Variants in EXTL3 observed in about 807,000 individuals in gnomAD.
The protein encoded by EXTL3 is exostosin like glycosyltransferase 3.
Under a neutral mutation model 69.3 loss-of-function variants are expected in EXTL3, and 27 were observed. The observed-to-expected ratio is 0.39, with a 90% confidence interval of 0.29 to 0.54. The LOEUF (loss-of-function observed/expected upper bound fraction) is 0.54, where lower values mean the gene tolerates loss of function less well. Ranked by LOEUF, EXTL3 falls within the 20% of genes least tolerant of loss-of-function variation. EXTL3 has a pLI of 0.69. For synonymous variants in EXTL3, 511 were observed against 499.4 expected, an observed-to-expected ratio of 1.02 and a Z score of -0.31; for missense variants, 1,003 against 1,231.8, an observed-to-expected ratio of 0.81 and a Z score of 2.78.
chr8:28,641,784 G>T (rs919052797), intron 1 of EXTL3, among the ~76,000 whole-genome samples: 23 of 151,912 alleles, frequency 1.5e-4, no homozygotes, highest in African/African-American at 5.1e-4. Flanking sequence ...GAGCCATGGC[G>T]CCTGGCCATA....
At chr8:28,636,100 G>A (rs865811813) in intron 1 of EXTL3, among the ~76,000 whole-genome samples, 4 of 152,064 alleles carry the variant, frequency 2.6e-5, no homozygotes, top group Non-Finnish European at 5.9e-5. Context: ...GGAGGCTGAG[G>A]CGGGTAGATC....
rs753564009 is a variant in EXTL3 at position 28,718,225 on chromosome 8, A to C, written c.2148+18A>C. 6.8e-6 allele frequency: 11 copies of C among 1,607,858 alleles called. No homozygotes were observed. Among genetic ancestry groups the C allele is most frequent in the Non-Finnish European group, 9.4e-6 (11 of 1,174,520 alleles). ...CCATCATGGTAATAGAGAAACGAAC[A>C]GTTCGTTTTGGTGCATGAAATAGTA... On this transcript the variant is annotated intron_variant, in intron 3 of 6. Coordinates refer to ENST00000220562, the MANE Select transcript of EXTL3 (RefSeq NM_001440.4).
At chr8:28,683,518 T>C (rs1807525740) in intron 1 of EXTL3, among the ~76,000 whole-genome samples, 1 of 152,180 alleles carries the variant, frequency 6.6e-6, no homozygotes, top group African/African-American at 2.4e-5. Context: ...AAATGTACAA[T>C]AAATTATTGC....
At chr8:28,625,644 A>T (rs2130550339) in intron 1 of EXTL3, among the ~76,000 whole-genome samples, 1 of 152,330 alleles carries the variant, frequency 6.6e-6, no homozygotes, top group East Asian at 1.9e-4. Flanking sequence ...AGGATTAGGA[A>T]TATGAAGATA....
At chr8:28,733,905 C>T (rs1368502761) in intron 4 of EXTL3, among the ~76,000 whole-genome samples, 1 of 151,526 alleles carries the variant, frequency 6.6e-6, no homozygotes, top group African/African-American at 2.4e-5. Flanking sequence ...GCAAGCTCCA[C>T]CTCCCGAGTT....
Position 28,746,402 on chromosome 8 carries a change from T to C in EXTL3, c.2550+3188T>C, listed in dbSNP as rs371031444. Among the ~76,000 whole-genome samples, 214 of 152,304 alleles carry C rather than the reference T, an allele frequency of 1.4e-3. 2 individuals are homozygous for C. The highest frequency in any genetic ancestry group is 5.0e-3 in the African/African-American group (209 of 41,552). On this transcript the variant is annotated intron_variant, in intron 6 of 6. Transcript: ENST00000220562. ...GGCTTAGGTGGTAAGGAAGCCGAAA[T>C]GCAAGTGAACGTCTTGGTTCTCTGG...
chr8:28,752,236 C>G lies in EXTL3; in HGVS notation c.*1370C>G, dbSNP rs554520771. The G allele has an allele frequency of 6.6e-6, 1 of 152,478 alleles. No individual in the cohort carries two copies. Among genetic ancestry groups the G allele is most frequent in the African/African-American group, 2.4e-5 (1 of 41,532 alleles). The allele number at this position is 152,478 out of a possible 1,614,324, so 9.4% of individuals were successfully genotyped here. On this transcript the variant is annotated 3_prime_UTR_variant, in exon 7 of 7. Coordinates refer to ENST00000220562, the MANE Select transcript of EXTL3 (RefSeq NM_001440.4). The stretch of plus-strand genomic sequence containing the variant: ...TTCCCTGGGCTGAAACTGAAATAAG[C>G]TAATTTTTTGGGTCACGGTGGCAGT...
Position 28,701,507 on chromosome 8 carries a change from T to C in EXTL3, c.-722T>C, listed in dbSNP as rs996270344. On this transcript the variant is annotated 5_prime_UTR_variant, in exon 1 of 7. Transcript: ENST00000220562. ...CGGCGCCCTTCGGCAAGTTCCGCAG[T>C]CGCCTGTCGGAAATGGCTGCCGGCC... is the stretch of plus-strand genomic sequence containing the variant. 1.3e-5 allele frequency: 2 copies of C among 152,422 alleles called. No homozygotes were observed. Among genetic ancestry groups the C allele is most frequent in the Non-Finnish European group, 2.9e-5 (2 of 67,904 alleles). 9.4% of individuals were successfully genotyped at this position (152,422 alleles called of 1,614,324 possible). A position where few individuals can be genotyped will look rare whatever the true frequency, so the allele number is the denominator to read the frequency against.
At chr8:28,720,130 G>T (rs762721508) in intron 3 of EXTL3, among the ~76,000 whole-genome samples, 1 of 151,954 alleles carries the variant, frequency 6.6e-6, no homozygotes. Flanking sequence ...TAGGAGAGGC[G>T]GGTGTTCTGG....
At chr8:28,730,217 A>AG in intron 3 of EXTL3, 1 of 149,568 alleles carries the variant, frequency 6.7e-6, no homozygotes. Flanking sequence ...AATTCATGCC[A>AG]GGTAGAGGTT....
chr8:28,668,042 C>A (rs1807223912), intron 1 of EXTL3, among the ~76,000 whole-genome samples: 1 of 151,790 alleles, frequency 6.6e-6, no homozygotes, highest in African/African-American at 2.4e-5. Context: ...GTGGGAGAAT[C>A]TCTTGAGTCC....
At chr8:28,636,187 C>G (rs1806651642) in intron 1 of EXTL3, among the ~76,000 whole-genome samples, 1 of 151,876 alleles carries the variant, frequency 6.6e-6, no homozygotes, top group Admixed American at 6.6e-5. Context: ...AAAAAATTAG[C>G]TGGGTGTGGT....
At chr8:28,680,124 G>A (rs1030486060) in intron 1 of EXTL3, among the ~76,000 whole-genome samples, 1 of 151,682 alleles carries the variant, frequency 6.6e-6, no homozygotes, top group Non-Finnish European at 1.5e-5. Context: ...GGGCTCGGTG[G>A]CTTATGCCTA....
intron 1 of EXTL3, among the ~76,000 whole-genome samples, chr8:28,683,852 C>T (rs762597213): frequency 3.3e-5 from 5 of 151,930 alleles, no homozygotes; most frequent in Admixed American, 6.6e-5. Flanking sequence ...CCCTGTTGTG[C>T]TATCAAATAC....
chr8:28,686,320 C>CCT (rs1189342320), intron 1 of EXTL3, among the ~76,000 whole-genome samples: 2 of 150,276 alleles, frequency 1.3e-5, no homozygotes, highest in African/African-American at 2.4e-5. Flanking sequence ...ATAACAGTAT[C>CCT]CTCTCTCTCT....
chr8:28,725,784 G>A (rs935960250), intron 3 of EXTL3, among the ~76,000 whole-genome samples: 1 of 152,086 alleles, frequency 6.6e-6, no homozygotes, highest in Non-Finnish European at 1.5e-5. Flanking sequence ...AGTATTGTGG[G>A]GTTGAGGGAA....
At chr8:28,710,318 G>A in intron 1 of EXTL3, 1 of 352,940 alleles carries the variant, frequency 2.8e-6, no homozygotes, top group Non-Finnish European at 5.6e-6. Flanking sequence ...GCTCTGGGAG[G>A]TGAAGGCAGA....
chr8:28,716,009 G>A lies in EXTL3; in HGVS notation c.-51G>A. ...ATCGTTTTGTGGAATAGCAACCCAT[G>A]GTTATGGCGAGTGACCCGACGTGAT... On this transcript the variant is annotated 5_prime_UTR_variant, in exon 3 of 7. It removes an upstream start codon present in the reference 5' UTR. Transcript: ENST00000220562. This position sits in a 1 kb window ranked among gnomAD's most constrained non-coding sequence, Gnocchi z 7.1. 6.8e-7 allele frequency: 1 copy of A among 1,472,858 alleles called. No homozygotes were observed. Among genetic ancestry groups the A allele is most frequent in the Non-Finnish European group, 9.3e-7 (1 of 1,075,748 alleles). 91.2% of individuals were successfully genotyped at this position (1,472,858 alleles called of 1,614,324 possible).
chr8:28,634,597 CT>C (rs1310592146), intron 1 of EXTL3, among the ~76,000 whole-genome samples: 220 of 136,132 alleles, frequency 1.6e-3, no homozygotes, highest in Middle Eastern at 3.8e-3. Flanking sequence ...ACCACATCTG[CT>C]TTTTTTTTTT....
Sources: allele counts gnomAD v4.1 joint callset (sites outside exome capture counted in the v4.1 genomes callset), GRCh38; gene constraint gnomAD v4.1.1; non-coding constraint Gnocchi (gnomAD v3.1); transcripts MANE v1.5; gene names NCBI Gene and HGNC (gene_info 2026-07-23, HGNC 2026-07-21).